The following UCMA variants were observed in gnomAD, a reference collection of about 807,000 sequenced individuals.
UCMA encodes upper zone of growth plate and cartilage matrix-associated protein.
UCMA carries 21 observed loss-of-function variants against 21.8 expected under a neutral mutation model. That is an observed-to-expected ratio of 0.97 (90% CI 0.68 to 1.39). The LOEUF is 1.39. Ranked by LOEUF, UCMA falls within the 40% of genes most tolerant of loss-of-function variation. The pLI is 0.00. For synonymous variants in UCMA, 76 were observed against 67.9 expected, an observed-to-expected ratio of 1.12 and a Z score of -0.58; for missense variants, 193 against 178.9, an observed-to-expected ratio of 1.08 and a Z score of -0.45.
chr10:13,232,110 A>G (rs996512510), intron 3 of UCMA, among the ~76,000 whole-genome samples: 2 of 151,842 alleles, frequency 1.3e-5, no homozygotes, highest in Non-Finnish European at 2.9e-5. Context: ...GCGGTGGCTC[A>G]TGCCTGTAAT....
chr10:13,226,831 C>T (rs1440408003), intron 4 of UCMA, among the ~76,000 whole-genome samples: 2 of 152,176 alleles, frequency 1.3e-5, no homozygotes, highest in Non-Finnish European at 2.9e-5. Flanking sequence ...TGTAAGAGGA[C>T]CTGCAGGCGC....
At position 13,221,977 on chromosome 10, in the gene UCMA, T is replaced by G; in HGVS notation, c.*126A>C. ...GAAAGGCATGCGTCTTTTCAAGAGC[T>G]GCTGGCCACTGCAGACCCCAAGCTG... On this transcript the variant is annotated 3_prime_UTR_variant, in exon 5 of 5. Transcript: ENST00000378681. 2 of 871,544 alleles carry G rather than the reference T, an allele frequency of 2.3e-6. No individual in the cohort carries two copies. 54.0% of individuals were successfully genotyped at this position (871,544 alleles called of 1,614,324 possible). A position where few individuals can be genotyped will look rare whatever the true frequency, so the allele number is the denominator to read the frequency against.
rs760037688 is a variant in UCMA at position 13,222,112 on chromosome 10, G to A, written c.408C>T (p.His136=). ...CGGCTTCAGGATGGGATCAGGTGTG[G>A]TGGCGGTTGTAGAGATAGGATGGGT... is the stretch of plus-strand genomic sequence containing the variant. ...GLHPSYLYNR[H]HT The change falls in exon 5 of 5, where the codon CAC becomes CAT. Residue 136 remains histidine (H), a synonymous_variant. Transcript: ENST00000378681. 4 of 1,614,034 alleles carry A rather than the reference G, an allele frequency of 2.5e-6. No homozygotes were observed. In the East Asian group the frequency reaches 6.7e-5, roughly 27 times the overall value.
In UCMA at chr10:13,222,145, G is replaced by T. The variant is rs774114596; in HGVS notation, c.375C>A (p.Asp125Glu). 1 of 1,614,162 alleles carries T rather than the reference G, an allele frequency of 6.2e-7. No homozygotes were observed. Among genetic ancestry groups the T allele is most frequent in the Non-Finnish European group, 8.5e-7 (1 of 1,180,038 alleles). Residue 125 changes from aspartate (D) to glutamate (E), a missense_variant, in exon 5 of 5, where the codon GAC becomes GAA. By Grantham distance (45) the Asp-to-Glu change is conservative. Transcript: ENST00000378681. ...TGTAGAGATAGGATGGGTGCAGGCC[G>T]TCATAGTGCCACTGGCGCCACTGCT... is the stretch of plus-strand genomic sequence containing the variant. ...AVEQWRQWHY[D>E]GLHPSYLYNR... is the part of the protein sequence containing the mutation.
rs900080269 is a variant in UCMA at position 13,222,020 on chromosome 10, G to A, written c.*83C>T. On this transcript the variant is annotated 3_prime_UTR_variant, in exon 5 of 5. Coordinates refer to ENST00000378681, the MANE Select transcript of UCMA (RefSeq NM_145314.3). ...CCAAGCTGAGACCCTCTGAAGGGCC[G>A]GTTTGCATGGGAAAGATTGCTGGAA... 24 of 1,478,138 alleles carry A rather than the reference G, an allele frequency of 1.6e-5. No homozygotes were observed. Among genetic ancestry groups the A allele is most frequent in the Admixed American group, 5.2e-5 (3 of 57,808 alleles). 91.6% of individuals were successfully genotyped at this position (1,478,138 alleles called of 1,614,324 possible). A position where few individuals can be genotyped will look rare whatever the true frequency, so the allele number is the denominator to read the frequency against.
At position 13,221,820 on chromosome 10, in the gene UCMA, A is replaced by G; in HGVS notation, c.*283T>C. 1 of 428,530 alleles carries G rather than the reference A, an allele frequency of 2.3e-6. No homozygotes were observed. Among genetic ancestry groups the G allele is most frequent in the Non-Finnish European group, 4.2e-6 (1 of 238,288 alleles). 26.5% of individuals were successfully genotyped at this position (428,530 alleles called of 1,614,324 possible). On this transcript the variant is annotated 3_prime_UTR_variant, in exon 5 of 5. Coordinates refer to ENST00000378681, the MANE Select transcript of UCMA (RefSeq NM_145314.3). ...TAAGCAAACATGTGATTCTTGACTG[A>G]TTCTTTTGCTTGGGAACGAAGCCAG...
At chr10:13,223,242 CAAAAG>C (rs1834781476) in intron 4 of UCMA, among the ~76,000 whole-genome samples, 1 of 146,626 alleles carries the variant, frequency 6.8e-6, no homozygotes, top group African/African-American at 2.5e-5. Flanking sequence ...AAAAAAAACA[CAAAAG>C]AAAGAAAAAA....
chr10:13,233,553 T>G lies in UCMA; in HGVS notation c.205A>C (p.Arg69=), dbSNP rs3829925. 1,439,612 of 1,613,718 alleles carry G rather than the reference T, an allele frequency of 0.89. 644,423 individuals are homozygous for G. Among genetic ancestry groups the G allele is most frequent in the Admixed American group, 0.92 (55,088 of 59,982 alleles). The change falls in exon 3 of 5, where the codon AGA becomes CGA. Residue 69 remains arginine, a synonymous_variant. Transcript: ENST00000378681. ...GCATCCTTACCATTGACCTCATCTC[T>G]GGACTTGGGGGACCGCTTGCCGCGC... is the stretch of plus-strand genomic sequence containing the variant. ...KRRGKRSPKS[R]DEVNVENRQK...
chr10:13,225,715 A>C (rs1834816388), intron 4 of UCMA, among the ~76,000 whole-genome samples: 1 of 147,814 alleles, frequency 6.8e-6, no homozygotes, highest in South Asian at 2.1e-4. Flanking sequence ...GTTAGATAGG[A>C]CAGTTAGCTG....
intron 4 of UCMA, among the ~76,000 whole-genome samples, chr10:13,227,932 C>T (rs1161339075): frequency 6.6e-6 from 1 of 152,042 alleles, no homozygotes; most frequent in African/African-American, 2.4e-5. Flanking sequence ...TCCCCAGCCA[C>T]ACCATCCTCC....
chr10:13,230,718 G>A (rs1198221451), intron 3 of UCMA, among the ~76,000 whole-genome samples: 1 of 152,190 alleles, frequency 6.6e-6, no homozygotes, highest in African/African-American at 2.4e-5. Flanking sequence ...CATTACAGAG[G>A]TGCTGGGAGA....
intron 4 of UCMA, among the ~76,000 whole-genome samples, chr10:13,226,257 A>C (rs1834822846): frequency 6.7e-6 from 1 of 148,250 alleles, no homozygotes; most frequent in Non-Finnish European, 1.5e-5. Context: ...GTGCAGTGGC[A>C]TGATCATAGT....
rs76657460 is a variant in UCMA at position 13,233,428 on chromosome 10, T to C, written c.220+110A>G. On this transcript the variant is annotated intron_variant, in intron 3 of 4. Coordinates refer to ENST00000378681, the MANE Select transcript of UCMA (RefSeq NM_145314.3). ...CCCTTTGATACCCTGGGGTGAGCCC[T>C]TCGTGCCCAGCTGCATCCTGCTGCC... 2,677 of 849,376 alleles carry C rather than the reference T, an allele frequency of 3.2e-3. 43 individuals are homozygous for C. The African/African-American group carries it at 0.037, about 12-fold the overall frequency. The allele number at this position is 849,376 out of a possible 1,614,324, so 52.6% of individuals were successfully genotyped here.
In UCMA at chr10:13,222,205, G is replaced by C. The variant is rs756229504; in HGVS notation, c.320-5C>G. 5 of 1,613,272 alleles carry C rather than the reference G, an allele frequency of 3.1e-6. No homozygotes were observed. In the African/African-American group the frequency reaches 6.7e-5, roughly 22 times the overall value. On this transcript the variant is annotated splice_region_variant and splice_polypyrimidine_tract_variant and intron_variant, in intron 4 of 4. Coordinates refer to ENST00000378681, the MANE Select transcript of UCMA (RefSeq NM_145314.3). ...CCCGGCTCCTCTCTTCCTGCTCTGG[G>C]GAGGAAAGACAAAGCCACCTGTTAG...
intron 3 of UCMA, among the ~76,000 whole-genome samples, chr10:13,230,653 G>T (rs1253509230): frequency 6.6e-6 from 1 of 152,184 alleles, no homozygotes; most frequent in African/African-American, 2.4e-5. Flanking sequence ...AGGCTGGGGG[G>T]TGCTGAAGGA....
At chr10:13,232,736 C>A (rs913869691) in intron 3 of UCMA, among the ~76,000 whole-genome samples, 3 of 152,220 alleles carry the variant, frequency 2.0e-5, no homozygotes, top group African/African-American at 7.2e-5. Context: ...CACCCACAGG[C>A]ACGAGGAGGA....
At position 13,221,985 on chromosome 10, in the gene UCMA, A is replaced by G; in HGVS notation, c.*118T>C. 1 of 990,636 alleles carries G rather than the reference A, an allele frequency of 1.0e-6. No homozygotes were observed. The highest frequency in any genetic ancestry group is 1.5e-6 in the Non-Finnish European group (1 of 648,200). The allele number at this position is 990,636 out of a possible 1,614,324, so 61.4% of individuals were successfully genotyped here. ...TGCGTCTTTTCAAGAGCTGCTGGCCACTGCAGACCCCAAGCTGAGACCCTC... is the reference window on the plus strand; with the variant it reads ...TGCGTCTTTTCAAGAGCTGCTGGCCGCTGCAGACCCCAAGCTGAGACCCTC... On this transcript the variant is annotated 3_prime_UTR_variant, in exon 5 of 5. Coordinates refer to ENST00000378681, the MANE Select transcript of UCMA (RefSeq NM_145314.3).
At chr10:13,234,050 G>T in intron 1 of UCMA, 151 bp downstream of exon 1, 2 of 684,550 alleles carry the variant, frequency 2.9e-6, no homozygotes, top group African/African-American at 1.8e-5. Context: ...GTATTGCATT[G>T]TGTCCTACAT....
At chr10:13,227,181 G>A (rs948264637) in intron 4 of UCMA, among the ~76,000 whole-genome samples, 8 of 152,198 alleles carry the variant, frequency 5.3e-5, no homozygotes, top group Non-Finnish European at 8.8e-5. Flanking sequence ...TGCACCTGCA[G>A]GGCAATGGGC....
Sources: gnomAD v4.1 joint callset for allele counts (sites outside exome capture counted in the v4.1 genomes callset) on GRCh38, gnomAD v4.1.1 for gene constraint, MANE v1.5 for transcripts, NCBI Gene and HGNC (gene_info 2026-07-23, HGNC 2026-07-21) for gene names.